The following USP25 variants were observed in gnomAD, a reference collection of about 807,000 sequenced individuals.
USP25 encodes ubiquitin specific peptidase 25.
A neutral mutation model predicts 158.5 loss-of-function variants in USP25; 85 were observed. The ratio of observed to expected loss-of-function variants is 0.54; its 90% CI spans 0.45 to 0.64. USP25 has a LOEUF of 0.64. Ranked by LOEUF, USP25 falls within the 30% of genes least tolerant of loss-of-function variation. The pLI, the probability that USP25 is intolerant of heterozygous loss-of-function variation, is 0.00. For missense variants in USP25, 1,242 were observed against 1,327.3 expected, an observed-to-expected ratio of 0.94 and a Z score of 1.00; for synonymous variants, 464 against 460.4, an observed-to-expected ratio of 1.01 and a Z score of -0.10.
intron 1 of USP25, chr21:15,744,462 A>G (rs996671735): frequency 5.3e-5 from 8 of 152,020 alleles, no homozygotes; most frequent in Non-Finnish European, 1.2e-4. Context: ...CATAGCTGGG[A>G]CTACAGGTAC....
intron 14 of USP25, among the ~76,000 whole-genome samples, chr21:15,828,916 C>T (rs772176078): frequency 2.0e-5 from 3 of 152,100 alleles, no homozygotes; most frequent in Non-Finnish European, 4.4e-5. Flanking sequence ...GGATTACAGG[C>T]GTGAGCCACC....
chr21:15,816,494 A>G lies in USP25; in HGVS notation c.932-2204A>G, dbSNP rs1242333501. Among the ~76,000 whole-genome samples, 1 of 152,052 alleles carries G rather than the reference A, an allele frequency of 6.6e-6. No individual in the cohort carries two copies. On this transcript the variant is annotated intron_variant, in intron 9 of 25. Transcript: ENST00000400183. This position sits in a 1 kb window ranked among gnomAD's most constrained non-coding sequence, Gnocchi z 4.0. ...ACATTTCTCTGGCTTTTGTAACACC[A>G]TATTCTTGTGGCTTTTTTCCTGCCT... is the stretch of plus-strand genomic sequence containing the variant.
intron 1 of USP25, among the ~76,000 whole-genome samples, chr21:15,749,161 C>T (rs57733106): frequency 0.079 from 11,985 of 152,042 alleles, 510 homozygotes; most frequent in East Asian, 0.099. Flanking sequence ...TATAAGTTAG[C>T]GCCAAATAAA....
intron 1 of USP25, among the ~76,000 whole-genome samples, chr21:15,732,914 C>G (rs2031076320): frequency 1.3e-5 from 2 of 152,018 alleles, no homozygotes; most frequent in Non-Finnish European, 2.9e-5. Context: ...AACCCAGGGA[C>G]TTATGAGATG....
At chr21:15,865,251 G>A (rs1241235112) in intron 21 of USP25, among the ~76,000 whole-genome samples, 2 of 152,114 alleles carry the variant, frequency 1.3e-5, no homozygotes, top group South Asian at 2.1e-4. Flanking sequence ...AAATTTTAGA[G>A]TATTGAAAGT....
At chr21:15,857,269 ATTG>A (rs1372760626) in intron 20 of USP25, among the ~76,000 whole-genome samples, 1 of 152,300 alleles carries the variant, frequency 6.6e-6, no homozygotes, top group Admixed American at 6.5e-5. Context: ...ATTTATCAGC[ATTG>A]TTGTTGCTGA....
chr21:15,866,410 C>G (rs1017404336), intron 22 of USP25, 66 bp downstream of exon 22: 9 of 1,236,038 alleles, frequency 7.3e-6, no homozygotes, highest in African/African-American at 3.1e-5. Flanking sequence ...ATATTCCTTT[C>G]GTTTCAGCCC....
chr21:15,825,018 A>G lies in USP25; in HGVS notation c.1261A>G (p.Arg421Gly). Residue 421 changes from arginine (R) to glycine (G), a missense_variant, in exon 12 of 26, where the codon AGA (arginine) becomes GGA (glycine). By Grantham distance (125) the Arg-to-Gly change is moderately radical. Coordinates refer to ENST00000400183, the MANE Select transcript of USP25 (RefSeq NM_001283041.3). Reference sequence around the variant, plus strand: ...AAGAATTAAGAGGGAAGAGATCAAGAGACTGAAAGATTACCTCACGGTATT... The same window carrying G: ...AAGAATTAAGAGGGAAGAGATCAAGGGACTGAAAGATTACCTCACGGTATT... ...ITRIKREEIK[R>G]LKDYLTVLQQ... The G allele has an allele frequency of 6.2e-7, 1 of 1,612,264 alleles. No individual in the cohort carries two copies. Among genetic ancestry groups the G allele is most frequent in the Non-Finnish European group, 8.5e-7 (1 of 1,179,238 alleles).
chr21:15,871,220 T>A (rs2039871959), intron 23 of USP25, among the ~76,000 whole-genome samples: 1 of 152,246 alleles, frequency 6.6e-6, no homozygotes, highest in Non-Finnish European at 1.5e-5. Context: ...AAAGTCCTAG[T>A]CATTGTGCTA....
chr21:15,853,261 A>G (rs1196288320), intron 20 of USP25, among the ~76,000 whole-genome samples: 1 of 152,146 alleles, frequency 6.6e-6, no homozygotes, highest in African/African-American at 2.4e-5. Flanking sequence ...TATCTTTACT[A>G]GCTGTCTGTA....
chr21:15,825,083 T>C (rs769364022), intron 12 of USP25, 22 bp downstream of exon 12: 2 of 1,526,358 alleles, frequency 1.3e-6, no homozygotes, highest in African/African-American at 2.8e-5. Flanking sequence ...TTTATGAAAT[T>C]AGGAGATAAT....
intron 1 of USP25, among the ~76,000 whole-genome samples, chr21:15,740,641 G>GTTTTTTTTTTTTTTTTTTTTTTTT (rs60616271): frequency 2.4e-5 from 1 of 41,302 alleles, no homozygotes; most frequent in Non-Finnish European, 7.4e-5. Flanking sequence ...CTTTCTGGCT[G>GTTTTTTTTTTTTTTTTTTTTTTTT]TTTTTTTTTT....
intron 7 of USP25, among the ~76,000 whole-genome samples, chr21:15,807,790 A>G (rs967157479): frequency 6.6e-6 from 1 of 152,166 alleles, no homozygotes; most frequent in African/African-American, 2.4e-5. Flanking sequence ...ATTGACAAAG[A>G]CCATTATTCT....
In USP25 at chr21:15,824,343, T is replaced by G. The variant is rs77679516; in HGVS notation, c.1208+177T>G. On this transcript the variant is annotated intron_variant, in intron 11 of 25. Transcript: ENST00000400183. ...CTTTGTATTAGAAAAGTATAGTTTT[T>G]GGGAATAATGTTATAAGGAAATTTA... 6.1e-3 allele frequency among the ~76,000 whole-genome samples: 934 copies of G among 152,318 alleles called. 6 individuals carry two copies. The highest frequency in any genetic ancestry group is 0.022 in the African/African-American group (901 of 41,568).
At chr21:15,750,080 C>A (rs370814168) in intron 1 of USP25, among the ~76,000 whole-genome samples, 1 of 151,966 alleles carries the variant, frequency 6.6e-6, no homozygotes, top group East Asian at 1.9e-4. Flanking sequence ...GAACTTTCAA[C>A]CCCAGTCCAG....
chr21:15,860,122 G>C (rs2039360502), intron 20 of USP25, among the ~76,000 whole-genome samples: 1 of 151,256 alleles, frequency 6.6e-6, no homozygotes, highest in African/African-American at 2.4e-5. Context: ...CAAGCAGCTG[G>C]GATTACAGGC....
In USP25 at chr21:15,777,924, G is replaced by A; in HGVS notation, c.289G>A (p.Asp97Asn). ...ADTNVIDLTG[D>N]DKDDLQRAIA... ...TTCAGATGTGATTGATCTCACTGGA[G>A]ATGATAAAGATGATCTTCAGAGAGC... The change falls in exon 4 of 26, where the codon GAT (aspartate) becomes AAT (asparagine). Residue 97 changes from aspartate to asparagine, a missense_variant. This residue lies in a region of USP25 where 627 missense variants were observed against 701.4 expected (regional missense o/e 0.89). Transcript: ENST00000400183. The A allele has an allele frequency of 6.2e-7, 1 of 1,609,294 alleles. No homozygotes were observed. The highest frequency in any genetic ancestry group is 8.5e-7 in the Non-Finnish European group (1 of 1,178,516).
chr21:15,779,266 T>G (rs1467915247), intron 4 of USP25, among the ~76,000 whole-genome samples: 5 of 152,020 alleles, frequency 3.3e-5, no homozygotes, highest in African/African-American at 1.2e-4. Context: ...TTATATGAAT[T>G]GGGCTTTTTC....
intron 1 of USP25, among the ~76,000 whole-genome samples, chr21:15,762,445 T>C (rs982083930): frequency 2.0e-5 from 3 of 152,178 alleles, no homozygotes; most frequent in Non-Finnish European, 2.9e-5. Context: ...GACAGTGAAA[T>C]GATCTTCTTT....
Sources: gnomAD v4.1 joint callset for allele counts (sites outside exome capture counted in the v4.1 genomes callset) on GRCh38, gnomAD v4.1.1 for gene constraint, gnomAD v4.1.1 regional missense constraint, Gnocchi (gnomAD v3.1) non-coding constraint, MANE v1.5 for transcripts, NCBI Gene and HGNC (gene_info 2026-07-23, HGNC 2026-07-21) for gene names.